Variants in RALYL observed in about 807,000 individuals in gnomAD.
RALYL encodes RNA-binding Raly-like protein.
In RALYL, 29 loss-of-function variants were observed where a neutral mutation model predicts 35.1. The observed-to-expected ratio is 0.83, with a 90% CI of 0.61 to 1.13. The LOEUF is 1.13. Ranked by LOEUF, RALYL falls within the 50% of genes most tolerant of loss-of-function variation. The pLI, the probability that RALYL is intolerant of heterozygous loss-of-function variation, is 0.00. For synonymous variants in RALYL, 120 were observed against 127.6 expected (o/e 0.94, Z 0.40); for missense variants, 359 against 360.4 (o/e 1.00, Z 0.03).
chr8:84,594,042 C>T (rs1391205555), intron 2 of RALYL, among the ~76,000 whole-genome samples: 3 of 152,024 alleles, frequency 2.0e-5, no homozygotes, highest in Non-Finnish European at 4.4e-5. Flanking sequence ...TCAGCTTCCA[C>T]CATGTTTTCT....
At chr8:84,493,869 T>C (rs926692289) in intron 1 of RALYL, among the ~76,000 whole-genome samples, 1 of 152,202 alleles carries the variant, frequency 6.6e-6, no homozygotes, top group Non-Finnish European at 1.5e-5. Flanking sequence ...TTCACTCTGA[T>C]GATACTTTCT....
intron 6 of RALYL, among the ~76,000 whole-genome samples, chr8:84,866,548 G>A (rs1839207783): frequency 6.6e-6 from 1 of 152,182 alleles, no homozygotes; most frequent in East Asian, 1.9e-4. Context: ...TATTATGTGT[G>A]TTTTGCAGCA....
intron 2 of RALYL, among the ~76,000 whole-genome samples, chr8:84,732,683 T>TACACAC (rs1554553642): frequency 5.6e-4 from 75 of 132,894 alleles, no homozygotes; most frequent in African/African-American, 1.9e-3. Context: ...TATATATATA[T>TACACAC]ACACACACAC....
intron 2 of RALYL, among the ~76,000 whole-genome samples, chr8:84,557,666 T>C (rs1215699901): frequency 2.0e-5 from 3 of 152,206 alleles, no homozygotes; most frequent in Non-Finnish European, 4.4e-5. Context: ...AGTGTGTATT[T>C]ACAATAGAGT....
chr8:84,475,460 T>C (rs886905619), intron 1 of RALYL, among the ~76,000 whole-genome samples: 1 of 152,158 alleles, frequency 6.6e-6, no homozygotes, highest in African/African-American at 2.4e-5. Flanking sequence ...TTTAGAGACA[T>C]TTAAAAATAT....
intron 2 of RALYL, among the ~76,000 whole-genome samples, chr8:84,712,679 G>A (rs146140931): frequency 8.2e-4 from 125 of 152,124 alleles, no homozygotes; most frequent in African/African-American, 2.8e-3. Context: ...AAAAACCGTG[G>A]CATTTACTCT....
intron 1 of RALYL, among the ~76,000 whole-genome samples, chr8:84,279,504 A>C (rs1836123625): frequency 6.6e-6 from 1 of 152,218 alleles, no homozygotes; most frequent in Non-Finnish European, 1.5e-5. Context: ...TTAATCTTCT[A>C]TTGCTATTAC....
At position 84,371,539 on chromosome 8, in the gene RALYL, T is replaced by TCACACACACACACA. The variant is rs5892914; in HGVS notation, c.-23-157739_-23-157726dup. On this transcript the variant is annotated intron_variant, in intron 1 of 8. Coordinates refer to ENST00000521268, the MANE Select transcript of RALYL (RefSeq NM_173848.7). ...AAAATAGGGAATAAATTTATGATTA[T>TCACACACACACACA]CACACACACACACACACACACACAC... is the stretch of plus-strand genomic sequence containing the variant. 5.3e-3 allele frequency among the ~76,000 whole-genome samples: 764 copies of TCACACACACACACA among 144,128 alleles called. 1 individual carries two copies. Among genetic ancestry groups the TCACACACACACACA allele is most frequent in the African/African-American group, 0.018 (696 of 38,874 alleles). 94.6% of individuals were successfully genotyped at this position (144,128 alleles called of 152,430 possible).
At chr8:84,674,895 G>A (rs1833904578) in intron 2 of RALYL, among the ~76,000 whole-genome samples, 1 of 151,756 alleles carries the variant, frequency 6.6e-6, no homozygotes, top group Non-Finnish European at 1.5e-5. Flanking sequence ...CACAGTTTGA[G>A]TTAAAGTTGT....
intron 1 of RALYL, among the ~76,000 whole-genome samples, chr8:84,216,348 A>G (rs768503169): frequency 1.4e-4 from 21 of 152,186 alleles, no homozygotes; most frequent in Non-Finnish European, 2.4e-4. Flanking sequence ...TTATTTTAAT[A>G]AAAGTCTCAG....
At chr8:84,732,155 C>G (rs186633406) in intron 2 of RALYL, among the ~76,000 whole-genome samples, 6 of 152,158 alleles carry the variant, frequency 3.9e-5, no homozygotes, top group Admixed American at 2.0e-4. Flanking sequence ...AATAAGTGTG[C>G]TTTTTGTTCA....
intron 1 of RALYL, among the ~76,000 whole-genome samples, chr8:84,518,158 T>C (rs1587927797): frequency 6.6e-6 from 1 of 152,144 alleles, no homozygotes; most frequent in East Asian, 1.9e-4. Context: ...CGTAGTGGTA[T>C]AGTTATACCT....
chr8:84,225,366 G>C (rs1297456807), intron 1 of RALYL, among the ~76,000 whole-genome samples: 2 of 152,106 alleles, frequency 1.3e-5, no homozygotes, highest in African/African-American at 2.4e-5. Flanking sequence ...ACGCAAATCA[G>C]ATCATGTCAC....
chr8:84,582,798 T>A (rs1020960068), intron 2 of RALYL, among the ~76,000 whole-genome samples: 3 of 152,030 alleles, frequency 2.0e-5, no homozygotes, highest in African/African-American at 7.2e-5. Flanking sequence ...ATTGTTGGTG[T>A]GGTATAGAAT....
In RALYL at chr8:84,676,806, T is replaced by G. The variant is rs1396944637; in HGVS notation, c.257-97773T>G. Among the ~76,000 whole-genome samples, 4 of 152,244 alleles carry G rather than the reference T, an allele frequency of 2.6e-5. No homozygotes were observed. In the East Asian group the frequency reaches 7.7e-4, roughly 29 times the overall value. On this transcript the variant is annotated intron_variant, in intron 2 of 8. Coordinates refer to ENST00000521268, the MANE Select transcript of RALYL (RefSeq NM_173848.7). The stretch of plus-strand genomic sequence containing the variant: ...CGCTTGATTACATATTAAAAGATTT[T>G]TTTTTTCTTTTTTTGAGACAGAGTC...
intron 1 of RALYL, among the ~76,000 whole-genome samples, chr8:84,258,141 G>A (rs1350352795): frequency 6.6e-6 from 1 of 152,122 alleles, no homozygotes; most frequent in African/African-American, 2.4e-5. Flanking sequence ...TTGTTTATCA[G>A]GTGTTCAATA....
chr8:84,917,704 G>T (rs149032625), intron 8 of RALYL, among the ~76,000 whole-genome samples: 102 of 151,848 alleles, frequency 6.7e-4, no homozygotes, highest in African/African-American at 2.3e-3. Flanking sequence ...TAATGGAGCA[G>T]TTTCCTCCAT....
intron 2 of RALYL, among the ~76,000 whole-genome samples, chr8:84,636,045 A>G (rs1000684061): frequency 7.9e-5 from 12 of 151,892 alleles, no homozygotes; most frequent in African/African-American, 2.6e-4. Flanking sequence ...ACCTCTTTCT[A>G]TAATGTAAAG....
intron 1 of RALYL, among the ~76,000 whole-genome samples, chr8:84,289,843 A>G (rs1838414695): frequency 6.6e-6 from 1 of 152,198 alleles, no homozygotes; most frequent in South Asian, 2.1e-4. Context: ...TGGTTCAGAA[A>G]CAAGAGAAAA....
Sources: allele counts gnomAD v4.1 joint callset (sites outside exome capture counted in the v4.1 genomes callset), GRCh38; gene constraint gnomAD v4.1.1; transcripts MANE v1.5; gene names NCBI Gene and HGNC (gene_info 2026-07-23, HGNC 2026-07-21).